CSMD1: variants seen among roughly 807,000 people sequenced by gnomAD.
CSMD1 encodes the protein CUB and Sushi multiple domains 1.
In CSMD1, 213 loss-of-function variants were observed where a neutral mutation model predicts 417.5. That is an observed-to-expected ratio of 0.51 (90% CI 0.46 to 0.57). The LOEUF is 0.57. CSMD1 is among the 20% of genes least tolerant of loss of function. The probability of loss-of-function intolerance (pLI) is 0.00; values close to 1 mark genes in which losing one functional copy is unlikely to be tolerated. For synonymous variants in CSMD1, 2,862 were observed against 1,736.8 expected, an observed-to-expected ratio of 1.65 and a Z score of -16.11; for missense variants, 6,923 against 4,529.7, an observed-to-expected ratio of 1.53 and a Z score of -15.17.
intron 3 of CSMD1, among the ~76,000 whole-genome samples, chr8:4,214,178 C>G (rs1461096245): frequency 6.6e-6 from 1 of 152,104 alleles, no homozygotes; most frequent in Non-Finnish European, 1.5e-5. Context: ...TTTAGCACAT[C>G]TTTACATAGG....
intron 2 of CSMD1, among the ~76,000 whole-genome samples, chr8:4,463,158 C>T (rs1173251201): frequency 6.6e-6 from 1 of 152,128 alleles, no homozygotes; most frequent in South Asian, 2.1e-4. Flanking sequence ...AAAGAAGATA[C>T]ACAAATGGCC....
intron 56 of CSMD1, 144 bp from the exon 57 acceptor site, chr8:2,973,443 G>A: frequency 2.4e-6 from 2 of 824,358 alleles, no homozygotes; most frequent in Admixed American, 5.1e-5. Context: ...AATCTTGTAA[G>A]AAAGAATTTC....
chr8:3,200,106 G>A (rs993123773), intron 32 of CSMD1, among the ~76,000 whole-genome samples: 2 of 151,596 alleles, frequency 1.3e-5, no homozygotes, highest in Admixed American at 6.6e-5. Flanking sequence ...AGAAGTAAAG[G>A]GTGAATCATT....
rs569026840 is a variant in CSMD1, at chr8:4,957,025, G to C, written c.85+37307C>G. ...CAGAATCCTAAGTCTAGCTAGAAAT[G>C]TGAGAAGAAATTCAGGAAGAGGAAA... On this transcript the variant is annotated intron_variant, in intron 1 of 69. Transcript: ENST00000635120. Among the ~76,000 whole-genome samples, 13 of 152,332 alleles carry C rather than the reference G, an allele frequency of 8.5e-5. No individual in the cohort carries two copies. The East Asian group carries it at 2.5e-3, about 29-fold the overall frequency.
At chr8:3,164,036 C>G (rs1314439292) in intron 37 of CSMD1, among the ~76,000 whole-genome samples, 2 of 152,188 alleles carry the variant, frequency 1.3e-5, no homozygotes, top group Non-Finnish European at 2.9e-5. Context: ...GACCCCAGAT[C>G]TGCTGAGTCG....
At chr8:4,310,569 C>T (rs964254472) in intron 3 of CSMD1, among the ~76,000 whole-genome samples, 4 of 152,160 alleles carry the variant, frequency 2.6e-5, no homozygotes, top group Admixed American at 1.3e-4. Flanking sequence ...ATGACATTTA[C>T]ATTTTTGAAA....
At chr8:4,385,698 G>A (rs958664491) in intron 3 of CSMD1, among the ~76,000 whole-genome samples, 1 of 152,052 alleles carries the variant, frequency 6.6e-6, no homozygotes, top group African/African-American at 2.4e-5. Context: ...TAGTAATATA[G>A]TATTTTTATA....
chr8:3,951,648 A>C, intron 5 of CSMD1, among the ~76,000 whole-genome samples: 1 of 152,288 alleles, frequency 6.6e-6, no homozygotes, highest in East Asian at 1.9e-4. Context: ...AGAAAGGTTA[A>C]AATTTTTTAA....
chr8:4,188,715 A>G (rs529870470), intron 3 of CSMD1, among the ~76,000 whole-genome samples: 2 of 152,342 alleles, frequency 1.3e-5, no homozygotes, highest in South Asian at 2.1e-4. Flanking sequence ...AAATAAAAAC[A>G]TAATAAACAA....
intron 8 of CSMD1, among the ~76,000 whole-genome samples, chr8:3,608,693 G>C (rs1327472162): frequency 6.6e-6 from 1 of 151,582 alleles, no homozygotes; most frequent in Non-Finnish European, 1.5e-5. Context: ...GAACTTGAGA[G>C]GTGGAGGCTG....
intron 5 of CSMD1, among the ~76,000 whole-genome samples, chr8:3,863,240 T>C (rs1804838760): frequency 6.6e-6 from 1 of 151,752 alleles, no homozygotes; most frequent in Non-Finnish European, 1.5e-5. Flanking sequence ...CTACTGAAAA[T>C]ACAAAAACTG....
chr8:4,286,227 C>T (rs138495851), intron 3 of CSMD1, among the ~76,000 whole-genome samples: 21 of 152,094 alleles, frequency 1.4e-4, no homozygotes, highest in Admixed American at 1.4e-3. Flanking sequence ...TCCTTCTTGC[C>T]AAGCTCCATT....
intron 7 of CSMD1, among the ~76,000 whole-genome samples, chr8:3,645,614 T>A (rs553272355): frequency 6.6e-6 from 1 of 152,122 alleles, no homozygotes; most frequent in Non-Finnish European, 1.5e-5. Flanking sequence ...CAAGGGATCA[T>A]GGGAAGAGTC....
At chr8:3,087,072 C>T (rs2129006083) in intron 49 of CSMD1, 25 bp downstream of exon 49, 1 of 1,597,338 alleles carries the variant, frequency 6.3e-7, no homozygotes. Flanking sequence ...GGAAACAAGG[C>T]TGGGGATGAA....
At chr8:4,864,333 T>C (rs1802304107) in intron 1 of CSMD1, among the ~76,000 whole-genome samples, 2 of 151,744 alleles carry the variant, frequency 1.3e-5, no homozygotes, top group South Asian at 2.1e-4. Flanking sequence ...ATTGACGACA[T>C]ATAATTAGAA....
intron 5 of CSMD1, among the ~76,000 whole-genome samples, chr8:3,860,274 A>G (rs936194897): frequency 2.8e-4 from 42 of 152,156 alleles, no homozygotes; most frequent in African/African-American, 9.2e-4. Context: ...AGTTACTGAG[A>G]ACTCTGCCCT....
At chr8:3,387,820 T>C (rs1811105464) in intron 17 of CSMD1, 138 bp from the exon 18 acceptor site, 2 of 701,252 alleles carry the variant, frequency 2.9e-6, no homozygotes, top group East Asian at 2.8e-5. Context: ...CAACAATCCA[T>C]GGACATAAAA....
At chr8:4,005,839 G>C (rs1468380237) in intron 4 of CSMD1, among the ~76,000 whole-genome samples, 1 of 152,166 alleles carries the variant, frequency 6.6e-6, no homozygotes, top group African/African-American at 2.4e-5. Context: ...GCTAGCATAA[G>C]CACTGTCTTT....
At chr8:3,259,477 C>G (rs1160722846) in intron 26 of CSMD1, among the ~76,000 whole-genome samples, 2 of 152,092 alleles carry the variant, frequency 1.3e-5, no homozygotes, top group Admixed American at 6.5e-5. Context: ...CTTAAGTATT[C>G]AAAAGAATTG....
Sources: gnomAD v4.1 joint callset for allele counts (sites outside exome capture counted in the v4.1 genomes callset) on GRCh38, gnomAD v4.1.1 for gene constraint, MANE v1.5 for transcripts, NCBI Gene and HGNC (gene_info 2026-07-23, HGNC 2026-07-21) for gene names.